The following PLCD4 variants were observed in gnomAD, a reference collection of about 807,000 sequenced individuals.
The protein encoded by PLCD4 is 1-phosphatidylinositol 4,5-bisphosphate phosphodiesterase delta-4.
Under a neutral mutation model 90.2 loss-of-function variants are expected in PLCD4, and 63 were observed. That is an observed-to-expected ratio of 0.70 (90% CI 0.57 to 0.86). The LOEUF is 0.86. Among genes scored for constraint, PLCD4 ranks in the 40% least tolerant of loss-of-function variants. The pLI, the probability that PLCD4 is intolerant of heterozygous loss-of-function variation, is 0.00. For missense variants in PLCD4, 830 were observed against 956.3 expected, an observed-to-expected ratio of 0.87 and a Z score of 1.74; for synonymous variants, 294 against 356.5, an observed-to-expected ratio of 0.82 and a Z score of 1.97.
chr2:218,618,958 G>A, intron 4 of PLCD4, 151 bp downstream of exon 4: 1 of 658,344 alleles, frequency 1.5e-6, no homozygotes, highest in South Asian at 1.9e-5. Context: ...TCAGGCCAAT[G>A]TGAGACTGAG....
chr2:218,630,542 G>T, intron 8 of PLCD4, 108 bp from the exon 9 acceptor site: 1 of 1,240,454 alleles, frequency 8.1e-7, no homozygotes, highest in East Asian at 2.4e-5. Context: ...AGTGATCAGG[G>T]TACTCATCTG....
Position 218,621,619 on chromosome 2 carries a change from T to A in PLCD4, c.540+20T>A, listed in dbSNP as rs775884496. On this transcript the variant is annotated intron_variant, in intron 5 of 15. Coordinates refer to ENST00000450993, the MANE Select transcript of PLCD4 (RefSeq NM_032726.4). ...TTTCAGGTGAGTCTGTGGGGAAGGATTTCCAGCGGCCAACCAGGCCACATT... is the reference window on the plus strand; with the variant it reads ...TTTCAGGTGAGTCTGTGGGGAAGGAATTCCAGCGGCCAACCAGGCCACATT... The A allele has an allele frequency of 6.2e-7, 1 of 1,613,248 alleles. No homozygotes were observed. The highest frequency in any genetic ancestry group is 8.5e-7 in the Non-Finnish European group (1 of 1,179,408).
At position 218,628,176 on chromosome 2, in the gene PLCD4, C is replaced by A; in HGVS notation, c.920C>A (p.Thr307Asn). The A allele has an allele frequency of 6.2e-7, 1 of 1,614,056 alleles. No individual in the cohort carries two copies. Among genetic ancestry groups the A allele is most frequent in the Non-Finnish European group, 8.5e-7 (1 of 1,179,900 alleles). The change falls in exon 7 of 16, where the codon ACC becomes AAC. Residue 307 changes from threonine to asparagine, a missense_variant. By Grantham distance (65) the Thr-to-Asn change is moderately conservative. Transcript: ENST00000450993. Reference protein sequence around the residue: ...NHYFICSSHNTYLVGDQLCGQ... With the variant: ...NHYFICSSHNNYLVGDQLCGQ... ...TACTTCATCTGCTCTTCTCATAACA[C>A]CTACCTAGTGGGGGACCAGCTTTGT... is the stretch of plus-strand genomic sequence containing the variant.
chr2:218,624,259 A>G (rs551817896), intron 6 of PLCD4, among the ~76,000 whole-genome samples: 20 of 152,306 alleles, frequency 1.3e-4, no homozygotes, highest in Admixed American at 1.3e-3. Context: ...TCATTTATTC[A>G]CTACTTCAAT....
At chr2:218,611,668 G>A (rs969067293) in intron 1 of PLCD4, among the ~76,000 whole-genome samples, 2 of 152,122 alleles carry the variant, frequency 1.3e-5, no homozygotes, top group African/African-American at 2.4e-5. Flanking sequence ...GTGCAATCTC[G>A]GCTCACTGCA....
chr2:218,611,963 T>TCTAAC (rs1232450957), intron 1 of PLCD4, among the ~76,000 whole-genome samples: 1 of 150,942 alleles, frequency 6.6e-6, no homozygotes, highest in African/African-American at 2.4e-5. Context: ...GGAGTCTAGC[T>TCTAAC]CTGTCGCCAG....
chr2:218,620,502 A>C (rs1695822021), intron 4 of PLCD4, among the ~76,000 whole-genome samples: 1 of 151,626 alleles, frequency 6.6e-6, no homozygotes, highest in African/African-American at 2.4e-5. Flanking sequence ...CTCTGTCTCC[A>C]AAAAAATTTT....
Position 218,616,073 on chromosome 2 carries a change from T to A in PLCD4, c.181+11T>A. 1 of 1,612,310 alleles carries A rather than the reference T, an allele frequency of 6.2e-7. No individual in the cohort carries two copies. The highest frequency in any genetic ancestry group is 8.5e-7 in the Non-Finnish European group (1 of 1,179,078). On this transcript the variant is annotated intron_variant, in intron 3 of 15. Transcript: ENST00000450993. ...GTGCCAAGCCCAGCTGTGAGTGACC[T>A]GGATAGTGGGGGGTGGATACATGGG...
intron 1 of PLCD4, among the ~76,000 whole-genome samples, chr2:218,612,940 C>G (rs183181787): frequency 2.4e-4 from 36 of 152,244 alleles, no homozygotes; most frequent in Non-Finnish European, 4.6e-4. Context: ...TGAGGCAAGT[C>G]GCATCACATT....
chr2:218,636,124 CT>C, intron 14 of PLCD4, 118 bp from the exon 15 acceptor site: 6 of 1,391,246 alleles, frequency 4.3e-6, no homozygotes, highest in Non-Finnish European at 5.0e-6. Flanking sequence ...TACTCTGAGC[CT>C]TTTTCCTTAC....
At chr2:218,633,516 T>C in intron 10 of PLCD4, 89 bp from the exon 11 acceptor site, 2 of 1,450,696 alleles carry the variant, frequency 1.4e-6, no homozygotes, top group African/African-American at 1.4e-5. Context: ...GGGGAGGCAG[T>C]GGGCAGAGGT....
intron 4 of PLCD4, among the ~76,000 whole-genome samples, chr2:218,619,589 G>A (rs1257958568): frequency 2.6e-5 from 4 of 150,958 alleles, no homozygotes; most frequent in East Asian, 4.0e-4. Flanking sequence ...CACCACACCC[G>A]GCCAGTGGTA....
intron 7 of PLCD4, 194 bp from the exon 8 acceptor site, chr2:218,629,325 A>G: frequency 1.8e-6 from 1 of 567,326 alleles, no homozygotes; most frequent in Non-Finnish European, 3.0e-6. Context: ...GGTGGGCTGA[A>G]GTATGGGTAG....
chr2:218,625,800 G>A (rs1249278155), intron 6 of PLCD4, among the ~76,000 whole-genome samples: 3 of 152,004 alleles, frequency 2.0e-5, no homozygotes, highest in Non-Finnish European at 4.4e-5. Context: ...TGGGTATGGT[G>A]GCGGGCACCT....
chr2:218,634,666 A>G lies in PLCD4; in HGVS notation c.1896+36A>G, dbSNP rs2106168315. On this transcript the variant is annotated intron_variant, in intron 13 of 15. Coordinates refer to ENST00000450993, the MANE Select transcript of PLCD4 (RefSeq NM_032726.4). This position sits in a 1 kb window ranked among gnomAD's most constrained non-coding sequence, Gnocchi z 4.0. ...AATAAACTGTTGGGAAGAAACTGAG[A>G]TAACTGGGATAGAAGTGAGGGAAGA... 6.2e-7 allele frequency: 1 copy of G among 1,603,964 alleles called. No individual in the cohort carries two copies. The highest frequency in any genetic ancestry group is 1.1e-5 in the South Asian group (1 of 90,172).
In PLCD4 at chr2:218,629,586, G is replaced by A. The variant is rs368373841; in HGVS notation, c.1042G>A (p.Val348Ile). Reference sequence around the variant, plus strand: ...GGATGGACCTAGCGGGGAACCTGTCGTTTACCACGGACACACCCTGACCTC... The same window carrying A: ...GGATGGACCTAGCGGGGAACCTGTCATTTACCACGGACACACCCTGACCTC... ...VWDGPSGEPV[V>I]YHGHTLTSRI... Residue 348 changes from valine (V) to isoleucine (I), a missense_variant, in exon 8 of 16, where the codon GTT becomes ATT. Coordinates refer to ENST00000450993, the MANE Select transcript of PLCD4 (RefSeq NM_032726.4). The A allele has an allele frequency of 4.2e-5, 67 of 1,613,706 alleles. No homozygotes were observed. Among genetic ancestry groups the A allele is most frequent in the South Asian group, 2.9e-4 (26 of 91,036 alleles).
At chr2:218,617,275 T>C (rs112026212) in intron 3 of PLCD4, among the ~76,000 whole-genome samples, 1 of 147,198 alleles carries the variant, frequency 6.8e-6, no homozygotes, top group Non-Finnish European at 1.5e-5. Context: ...ATAATAAATA[T>C]TTTTAAATAC....
At chr2:218,621,042 G>A (rs1313513716) in intron 4 of PLCD4, among the ~76,000 whole-genome samples, 1 of 151,806 alleles carries the variant, frequency 6.6e-6, no homozygotes, top group Non-Finnish European at 1.5e-5. Flanking sequence ...TGATTCTCAT[G>A]TCTCAGCCTC....
rs1427410471 is a variant in PLCD4, at chr2:218,634,738, A to G, written c.1896+108A>G. The G allele has an allele frequency of 6.1e-6, 8 of 1,311,208 alleles. No homozygotes were observed. Among genetic ancestry groups the G allele is most frequent in the Non-Finnish European group, 8.4e-6 (8 of 950,528 alleles). 81.2% of individuals were successfully genotyped at this position (1,311,208 alleles called of 1,614,324 possible). A position where few individuals can be genotyped will look rare whatever the true frequency, so the allele number is the denominator to read the frequency against. On this transcript the variant is annotated intron_variant, in intron 13 of 15. Coordinates refer to ENST00000450993, the MANE Select transcript of PLCD4 (RefSeq NM_032726.4). The surrounding 1 kb of genome is among the most constrained non-coding windows in gnomAD (Gnocchi z 4.0). ...TGTAGAGGCCGGATAGCCTATTAAC[A>G]GTGTCTAGTTTTAGCTTTTGGAGCC...
Sources: allele counts gnomAD v4.1 joint callset (sites outside exome capture counted in the v4.1 genomes callset), GRCh38; gene constraint gnomAD v4.1.1; non-coding constraint Gnocchi (gnomAD v3.1); transcripts MANE v1.5; gene names NCBI Gene and HGNC (gene_info 2026-07-23, HGNC 2026-07-21).